The following PCDH15 variants were observed in gnomAD, a reference collection of about 807,000 sequenced individuals.
PCDH15 encodes the protein protocadherin related 15.
PCDH15 carries 129 observed loss-of-function variants against 178.5 expected under a neutral mutation model. That is an observed-to-expected ratio of 0.72 (90% CI 0.63 to 0.84). The LOEUF is 0.84. Among genes scored for constraint, PCDH15 ranks in the 40% least tolerant of loss-of-function variants. The pLI is 0.00. For missense variants in PCDH15, 2,230 were observed against 2,099.9 expected, an observed-to-expected ratio of 1.06 and a Z score of -1.21; for synonymous variants, 800 against 732.0, an observed-to-expected ratio of 1.09 and a Z score of -1.50.
chr10:54,999,966 C>A (rs891641587), intron 2 of PCDH15, among the ~76,000 whole-genome samples: 1 of 152,084 alleles, frequency 6.6e-6, no homozygotes, highest in South Asian at 2.1e-4. Context: ...ATAGAGATCA[C>A]GTGCTTCACA....
rs1012988429 is a variant in PCDH15, at chr10:54,166,336, A to G, written c.1591-13043T>C. On this transcript the variant is annotated intron_variant, in intron 13 of 37. Coordinates refer to ENST00000644397, the MANE Select transcript of PCDH15 (RefSeq NM_001384140.1). ...GATTATTTCTTGCAAAATATAGTCAACTCCTTGAGGATTAGGGCTGTGCCT... is the reference window on the plus strand; with the variant it reads ...GATTATTTCTTGCAAAATATAGTCAGCTCCTTGAGGATTAGGGCTGTGCCT... Among the ~76,000 whole-genome samples, 3 of 151,988 alleles carry G rather than the reference A, an allele frequency of 2.0e-5. No individual in the cohort carries two copies. The East Asian group carries it at 5.8e-4, about 29-fold the overall frequency.
intron 2 of PCDH15, among the ~76,000 whole-genome samples, chr10:55,440,430 T>A (rs2132067925): frequency 6.6e-6 from 1 of 152,200 alleles, no homozygotes; most frequent in Non-Finnish European, 1.5e-5. Flanking sequence ...GGATTTTTAG[T>A]GGATATATAA....
At chr10:54,312,918 T>C (rs912700395) in intron 8 of PCDH15, among the ~76,000 whole-genome samples, 12 of 152,102 alleles carry the variant, frequency 7.9e-5, no homozygotes, top group African/African-American at 2.9e-4. Flanking sequence ...TATATCTATA[T>C]TTTTGTACAT....
chr10:53,869,005 G>A (rs1024088179), intron 26 of PCDH15, among the ~76,000 whole-genome samples: 3 of 151,968 alleles, frequency 2.0e-5, no homozygotes, highest in Non-Finnish European at 4.4e-5. Context: ...ACAGGGTCTC[G>A]CTATGTTGCC....
At chr10:54,877,160 T>G (rs115851915) in intron 3 of PCDH15, among the ~76,000 whole-genome samples, 1,751 of 152,270 alleles carry the variant, frequency 0.011, 28 homozygotes, top group African/African-American at 0.04. Flanking sequence ...TATAAGGTAT[T>G]TTCTAAATTA....
At chr10:54,017,117 G>A (rs773724876) in intron 20 of PCDH15, among the ~76,000 whole-genome samples, 8 of 152,154 alleles carry the variant, frequency 5.3e-5, no homozygotes, top group South Asian at 4.1e-4. Flanking sequence ...TCCGTCTCCC[G>A]GGTTCAAGCG....
At chr10:54,517,617 C>A (rs1380625896) in intron 3 of PCDH15, among the ~76,000 whole-genome samples, 5 of 152,068 alleles carry the variant, frequency 3.3e-5, no homozygotes, top group African/African-American at 4.8e-5. Context: ...TAATGGGAGA[C>A]TTTAACACCC....
chr10:53,913,585 A>G (rs1271095442), intron 25 of PCDH15, among the ~76,000 whole-genome samples: 1 of 151,642 alleles, frequency 6.6e-6, no homozygotes, highest in Non-Finnish European at 1.5e-5. Flanking sequence ...ATACAAAAAA[A>G]AAAAAAAAAT....
chr10:55,537,330 T>C (rs1370500842), intron 2 of PCDH15, among the ~76,000 whole-genome samples: 1 of 152,166 alleles, frequency 6.6e-6, no homozygotes, highest in Non-Finnish European at 1.5e-5. Context: ...TTAAATTATT[T>C]GCTACATTTC....
chr10:54,399,056 A>T (rs1951602170), intron 3 of PCDH15, among the ~76,000 whole-genome samples: 1 of 152,104 alleles, frequency 6.6e-6, no homozygotes, highest in East Asian at 1.9e-4. Flanking sequence ...CACTTGGCAT[A>T]TATGTGTTCC....
chr10:54,940,461 A>G (rs1733756), intron 2 of PCDH15, among the ~76,000 whole-genome samples: 62,857 of 151,970 alleles, frequency 0.41, 14,348 homozygotes, highest in Middle Eastern at 0.53. Flanking sequence ...TGATCCTTGA[A>G]TACGTACCAT....
chr10:55,229,189 G>C (rs1841142440), intron 1 of PCDH15, among the ~76,000 whole-genome samples: 1 of 151,438 alleles, frequency 6.6e-6, no homozygotes, highest in Admixed American at 6.6e-5. Flanking sequence ...TATAGTATGG[G>C]ATAAGCACAT....
At chr10:55,423,478 C>A (rs1280625071) in intron 2 of PCDH15, among the ~76,000 whole-genome samples, 7 of 151,368 alleles carry the variant, frequency 4.6e-5, no homozygotes, top group African/African-American at 1.5e-4. Context: ...TGAGGAAAAC[C>A]AAAAAAACAT....
At chr10:55,587,635 AG>A (rs1202649424) in intron 2 of PCDH15, among the ~76,000 whole-genome samples, 1 of 152,232 alleles carries the variant, frequency 6.6e-6, no homozygotes, top group Non-Finnish European at 1.5e-5. Context: ...GAAGATTAAA[AG>A]AAAAAGGAGA....
chr10:54,759,388 AT>A (rs1947573106), intron 1 of PCDH15, among the ~76,000 whole-genome samples: 1 of 152,214 alleles, frequency 6.6e-6, no homozygotes, highest in African/African-American at 2.4e-5. Context: ...ATAGATTTAA[AT>A]ATGAATGTTT....
intron 2 of PCDH15, among the ~76,000 whole-genome samples, chr10:55,427,939 A>T (rs1838795635): frequency 6.6e-6 from 1 of 152,168 alleles, no homozygotes; most frequent in South Asian, 2.1e-4. Flanking sequence ...TATTTAAAGA[A>T]AAACGAGTTA....
At chr10:53,833,101 A>G (rs1048538001) in intron 29 of PCDH15, among the ~76,000 whole-genome samples, 4 of 152,106 alleles carry the variant, frequency 2.6e-5, no homozygotes, top group Admixed American at 6.6e-5. Flanking sequence ...AGATAAAGGA[A>G]GAGATTCTAA....
At chr10:54,499,802 A>G (rs970670093) in intron 3 of PCDH15, among the ~76,000 whole-genome samples, 8 of 152,128 alleles carry the variant, frequency 5.3e-5, no homozygotes, top group Non-Finnish European at 1.0e-4. Context: ...AAGCTAGCAG[A>G]AGTAAAGAAA....
intron 15 of PCDH15, among the ~76,000 whole-genome samples, chr10:54,115,069 A>C (rs2095090630): frequency 6.6e-6 from 1 of 152,166 alleles, no homozygotes; most frequent in African/African-American, 2.4e-5. Context: ...AAGCTATTGC[A>C]ATAATCTAAG....
Sources: gnomAD v4.1 joint callset for allele counts (sites outside exome capture counted in the v4.1 genomes callset) on GRCh38, gnomAD v4.1.1 for gene constraint, MANE v1.5 for transcripts, NCBI Gene and HGNC (gene_info 2026-07-23, HGNC 2026-07-21) for gene names.